The following KLF8 variants were observed in gnomAD, a reference collection of about 807,000 sequenced individuals.
The protein encoded by KLF8 is KLF transcription factor 8, also known as Krueppel-like factor 8.
Under a neutral mutation model 18.2 loss-of-function variants are expected in KLF8, and 10 were observed. That is an observed-to-expected ratio of 0.55 (90% CI 0.34 to 0.93). The LOEUF is 0.93. Among genes scored for constraint, KLF8 ranks in the 40% least tolerant of loss-of-function variants. The pLI, the probability that KLF8 is intolerant of heterozygous loss-of-function variation, is 0.02. For missense variants in KLF8, 264 were observed against 277.9 expected (o/e 0.95, Z 0.36); for synonymous variants, 109 against 97.3 (o/e 1.12, Z -0.71).
the KLF8 span, among the ~76,000 whole-genome samples, chrX:56,029,261 C>T: frequency 9.0e-6 from 1 of 111,242 alleles, no homozygotes; most frequent in Admixed American, 9.5e-5. Flanking sequence ...ACCATGATAA[C>T]TCCTGTTCCC....
chrX:56,162,542 C>G, the KLF8 span, among the ~76,000 whole-genome samples: 7 of 111,537 alleles, frequency 6.3e-5, no homozygotes, highest in Non-Finnish European at 1.3e-4. Context: ...ATGAGCGAGG[C>G]TCTGTGGGCA....
At chrX:56,116,520 G>A in the KLF8 span, among the ~76,000 whole-genome samples, 1 of 109,122 alleles carries the variant, frequency 9.2e-6, no homozygotes, top group Non-Finnish European at 1.9e-5. Flanking sequence ...GAGGAGGAAT[G>A]GTCATGAGAG....
chrX:55,992,006 C>A, the KLF8 span, among the ~76,000 whole-genome samples: 3 of 111,847 alleles, frequency 2.7e-5, no homozygotes, highest in Non-Finnish European at 5.6e-5. Context: ...GGATATTAGA[C>A]CTTTTTGGAT....
chrX:55,954,930 T>C, the KLF8 span, among the ~76,000 whole-genome samples: 9 of 111,697 alleles, frequency 8.1e-5, no homozygotes, highest in Non-Finnish European at 1.7e-4. Flanking sequence ...TATGATTCTA[T>C]GTATATGAAA....
At chrX:55,970,758 A>G in the KLF8 span, among the ~76,000 whole-genome samples, 2 of 111,720 alleles carry the variant, frequency 1.8e-5, no homozygotes, top group Admixed American at 9.5e-5. Context: ...GGACTTCTAT[A>G]TGCCACTAGC....
At chrX:56,226,283 C>G in the KLF8 span, among the ~76,000 whole-genome samples, 2 of 111,910 alleles carry the variant, frequency 1.8e-5, no homozygotes. Context: ...TGCTAAAGTT[C>G]AATTATTTAT....
chrX:56,045,602 T>G, the KLF8 span, among the ~76,000 whole-genome samples: 1 of 111,953 alleles, frequency 8.9e-6, no homozygotes. Flanking sequence ...GTTTTTTGTT[T>G]TCGTAGATGT....
chrX:55,954,506 C>G, the KLF8 span, among the ~76,000 whole-genome samples: 6 of 111,400 alleles, frequency 5.4e-5, no homozygotes, highest in African/African-American at 1.6e-4. Flanking sequence ...TTTATACTCA[C>G]CAGGATAGCC....
chrX:55,929,440 C>T, the KLF8 span, among the ~76,000 whole-genome samples: 5 of 112,275 alleles, frequency 4.5e-5, no homozygotes, highest in African/African-American at 1.6e-4. Context: ...GAAGTCTTTG[C>T]CCATGCCTAT....
the KLF8 span, among the ~76,000 whole-genome samples, chrX:56,020,810 G>A: frequency 9.0e-6 from 1 of 111,630 alleles, no homozygotes; most frequent in Non-Finnish European, 1.9e-5. Flanking sequence ...AGAAATAAAA[G>A]GCTTGCTCTA....
the KLF8 span, among the ~76,000 whole-genome samples, chrX:55,988,879 G>A: frequency 9.0e-6 from 1 of 111,177 alleles, no homozygotes; most frequent in Non-Finnish European, 1.9e-5. Context: ...TTATTTCATG[G>A]AGCAGTGGTT....
the KLF8 span, among the ~76,000 whole-genome samples, chrX:56,026,019 G>C: frequency 1.8e-5 from 2 of 111,812 alleles, no homozygotes; most frequent in East Asian, 2.8e-4. Context: ...TGCTTCGGCC[G>C]TGCGTAGACC....
chrX:56,243,662 A>T (rs753507331), intron 1 of KLF8, among the ~76,000 whole-genome samples: 5 of 105,467 alleles, frequency 4.7e-5, no homozygotes, highest in Non-Finnish European at 9.7e-5. Flanking sequence ...CAGCCTCCCA[A>T]GTAGCTGGGA....
intron 1 of KLF8, among the ~76,000 whole-genome samples, chrX:56,244,823 C>T (rs1238922411): frequency 2.7e-5 from 3 of 112,073 alleles, no homozygotes; most frequent in African/African-American, 6.5e-5. Context: ...TAAATAGTTC[C>T]AGTACTTCTT....
the KLF8 span, chrX:55,962,375 A>T: frequency 4.6e-6 from 1 of 216,884 alleles, no homozygotes; most frequent in Non-Finnish European, 8.8e-6. Context: ...GCAGCTGACC[A>T]ATGAGTTCTC....
the KLF8 span, among the ~76,000 whole-genome samples, chrX:56,023,827 G>C: frequency 9.0e-6 from 1 of 111,300 alleles, no homozygotes; most frequent in Non-Finnish European, 1.9e-5. Context: ...CTTTTCAATG[G>C]ATGTAAAGAA....
At chrX:56,270,033 C>T in intron 4 of KLF8, 149 bp from the exon 5 acceptor site, 1 of 544,892 alleles carries the variant, frequency 1.8e-6, no homozygotes, top group Non-Finnish European at 2.9e-6. Flanking sequence ...ATTGTTTTTA[C>T]TATTCCAATT....
chrX:55,976,219 A>G, the KLF8 span, among the ~76,000 whole-genome samples: 1 of 112,405 alleles, frequency 8.9e-6, no homozygotes, highest in Non-Finnish European at 1.9e-5. Flanking sequence ...CTTTTTTGGT[A>G]GTGAGAATAT....
intron 5 of KLF8, among the ~76,000 whole-genome samples, chrX:56,273,288 C>A (rs1032806005): frequency 9.0e-6 from 1 of 111,188 alleles, no homozygotes; most frequent in East Asian, 2.8e-4. Flanking sequence ...GTATATCTGT[C>A]CCCTCAAGCA....
Sources: allele counts gnomAD v4.1 joint callset (sites outside exome capture counted in the v4.1 genomes callset), GRCh38; gene constraint gnomAD v4.1.1; transcripts MANE v1.5; gene names NCBI Gene and HGNC (gene_info 2026-07-23, HGNC 2026-07-21).